PGPEP1L: variants seen among roughly 807,000 people sequenced by gnomAD.
PGPEP1L encodes the protein pyroglutamyl-peptidase 1-like protein.
Under a neutral mutation model 6.0 loss-of-function variants are expected in PGPEP1L, and 7 were observed. The observed-to-expected ratio is 1.17, with a 90% CI of 0.66 to 2.19. The LOEUF (loss-of-function observed/expected upper bound fraction) is 2.19. PGPEP1L is among the 30% of genes most tolerant of loss of function. PGPEP1L has a pLI of 0.00. For synonymous variants in PGPEP1L, 103 were observed against 83.9 expected (o/e 1.23, Z -1.24); for missense variants, 209 against 192.5 (o/e 1.09, Z -0.51).
At chr15:98,970,760 G>C (rs1203139010) in intron 3 of PGPEP1L, among the ~76,000 whole-genome samples, 1 of 152,192 alleles carries the variant, frequency 6.6e-6, no homozygotes, top group African/African-American at 2.4e-5. Context: ...CCCTTAGGTG[G>C]AAACTATTTT....
chr15:98,974,231 T>C (rs1013038428), intron 2 of PGPEP1L, among the ~76,000 whole-genome samples: 4 of 151,880 alleles, frequency 2.6e-5, no homozygotes, highest in Non-Finnish European at 4.4e-5. Context: ...ATACAAAAAT[T>C]AGCTAGGCCT....
At chr15:98,971,187 C>T in intron 2 of PGPEP1L, 29 bp from the exon 3 acceptor site, 1 of 1,162,948 alleles carries the variant, frequency 8.6e-7, no homozygotes, top group South Asian at 1.5e-5. Flanking sequence ...GGACTTGCCT[C>T]AGTTGATGGG....
intron 2 of PGPEP1L, among the ~76,000 whole-genome samples, chr15:98,983,748 G>A (rs370814175): frequency 2.6e-5 from 4 of 152,144 alleles, no homozygotes; most frequent in African/African-American, 4.8e-5. Flanking sequence ...GCATTAAGTC[G>A]CTTTTCTGGG....
At chr15:98,985,076 G>A (rs984502687) in intron 2 of PGPEP1L, among the ~76,000 whole-genome samples, 1 of 152,176 alleles carries the variant, frequency 6.6e-6, no homozygotes, top group Admixed American at 6.5e-5. Context: ...CTATAGTGCA[G>A]TCTATGTCTA....
At chr15:98,992,190 T>A (rs2017828995) in intron 2 of PGPEP1L, among the ~76,000 whole-genome samples, 1 of 152,120 alleles carries the variant, frequency 6.6e-6, no homozygotes, top group Admixed American at 6.5e-5. Context: ...GATTGTATAT[T>A]TAGAAAACCC....
chr15:98,981,489 CAAAAAAA>C (rs769918543), intron 2 of PGPEP1L, among the ~76,000 whole-genome samples: 9 of 82,134 alleles, frequency 1.1e-4, no homozygotes, highest in Admixed American at 3.9e-4. Flanking sequence ...GACTCCGTCT[CAAAAAAA>C]AAAAAAAAAA....
chr15:98,982,700 C>CTTTTTT lies in PGPEP1L; in HGVS notation c.-141-11548_-141-11543dup, dbSNP rs369749842. ...TCACTCTGGTTATTTTTATCTGAGGCTTTTTTTTTTTTTTTTTTTTTTTTT... is the reference window on the plus strand; with the variant it reads ...TCACTCTGGTTATTTTTATCTGAGGCTTTTTTTTTTTTTTTTTTTTTTTTTTTTTTT... On this transcript the variant is annotated intron_variant, in intron 2 of 4. Coordinates refer to ENST00000535714, the MANE Select transcript of PGPEP1L (RefSeq NM_001167902.2). Among the ~76,000 whole-genome samples the CTTTTTT allele has an allele frequency of 3.0e-4, 16 of 52,506 alleles. 2 individuals carry two copies. The highest frequency in any genetic ancestry group is 1.2e-3 in the Admixed American group (4 of 3,310). The allele number at this position is 52,506 out of a possible 152,430, so 34.4% of individuals were successfully genotyped here.
chr15:99,006,963 G>C (rs2018078366), intron 1 of PGPEP1L, among the ~76,000 whole-genome samples: 2 of 152,200 alleles, frequency 1.3e-5, no homozygotes, highest in African/African-American at 4.8e-5. Context: ...GGCCTCTAGA[G>C]AGCTCAGTGT....
rs117266033 is a variant in PGPEP1L at position 98,972,456 on chromosome 15, A to C, written c.-141-1298T>G. ...CTTAACCACAAATAAAGATAGTAAG[A>C]GAGGAAAAAAGGAAGAAGGGATCTA... On this transcript the variant is annotated intron_variant, in intron 2 of 4. Coordinates refer to ENST00000535714, the MANE Select transcript of PGPEP1L (RefSeq NM_001167902.2). Among the ~76,000 whole-genome samples, 6 of 152,270 alleles carry C rather than the reference A, an allele frequency of 3.9e-5. No individual in the cohort carries two copies. The South Asian group carries it at 1.2e-3, about 32-fold the overall frequency.
In PGPEP1L at chr15:99,006,913, T is replaced by G. The variant is rs2018076991; in HGVS notation, c.-370+446A>C. Among the ~76,000 whole-genome samples, 3 of 152,130 alleles carry G rather than the reference T, an allele frequency of 2.0e-5. No individual in the cohort carries two copies. The South Asian group carries it at 6.2e-4, about 31-fold the overall frequency. ...CCATCTAGGTCTGGGGAGGAGAAGC[T>G]CCCTTCAGGGAAGCAGGCAGAGCCT... On this transcript the variant is annotated intron_variant, in intron 1 of 4. Coordinates refer to ENST00000535714, the MANE Select transcript of PGPEP1L (RefSeq NM_001167902.2).
intron 2 of PGPEP1L, among the ~76,000 whole-genome samples, chr15:99,004,954 T>A (rs1466876957): frequency 1.3e-5 from 2 of 151,744 alleles, no homozygotes; most frequent in Non-Finnish European, 2.9e-5. Flanking sequence ...ACTCTGGAAG[T>A]GGGGACTGTG....
chr15:98,981,860 C>G (rs1273233507), intron 2 of PGPEP1L, among the ~76,000 whole-genome samples: 1 of 152,136 alleles, frequency 6.6e-6, no homozygotes, highest in Non-Finnish European at 1.5e-5. Flanking sequence ...AGGGAACAAG[C>G]TGGAGAGGCT....
chr15:99,005,086 G>T (rs1208247748), intron 2 of PGPEP1L, among the ~76,000 whole-genome samples: 1 of 152,098 alleles, frequency 6.6e-6, no homozygotes, highest in African/African-American at 2.4e-5. Context: ...TACCTCACGT[G>T]CCTCGGGCCC....
chr15:98,994,908 C>A (rs184921030), intron 2 of PGPEP1L, among the ~76,000 whole-genome samples: 1 of 152,122 alleles, frequency 6.6e-6, no homozygotes, highest in Non-Finnish European at 1.5e-5. Flanking sequence ...TTTACTGTTG[C>A]CTTTGAGACA....
chr15:98,994,286 TTTGA>T (rs1797326838), intron 2 of PGPEP1L, among the ~76,000 whole-genome samples: 1 of 152,012 alleles, frequency 6.6e-6, no homozygotes, highest in Admixed American at 6.6e-5. Flanking sequence ...AACCTTAAAC[TTTGA>T]TTATCCTTCT....
At chr15:98,988,216 A>G (rs1437887627) in intron 2 of PGPEP1L, among the ~76,000 whole-genome samples, 1 of 152,134 alleles carries the variant, frequency 6.6e-6, no homozygotes, top group African/African-American at 2.4e-5. Flanking sequence ...ACTCCCACAG[A>G]GCCCAACAAG....
intron 2 of PGPEP1L, among the ~76,000 whole-genome samples, chr15:99,003,706 G>T (rs1278721173): frequency 6.8e-6 from 1 of 148,134 alleles, no homozygotes; most frequent in Non-Finnish European, 1.5e-5. Context: ...AATCCAGCGG[G>T]CATTCCCAAA....
chr15:98,989,591 G>C (rs2017792454), intron 2 of PGPEP1L, among the ~76,000 whole-genome samples: 2 of 152,186 alleles, frequency 1.3e-5, no homozygotes, highest in South Asian at 4.1e-4. Context: ...CCCCAACCTA[G>C]CAAGGCATGC....
At chr15:98,968,763 G>C (rs2017444152) in intron 4 of PGPEP1L, 66 bp from the exon 5 acceptor site, 3 of 1,451,276 alleles carry the variant, frequency 2.1e-6, no homozygotes, top group Middle Eastern at 1.8e-4. Context: ...AACATACGCA[G>C]AAGTGGCAAT....
Sources: gnomAD v4.1 joint callset for allele counts (sites outside exome capture counted in the v4.1 genomes callset) on GRCh38, gnomAD v4.1.1 for gene constraint, MANE v1.5 for transcripts, NCBI Gene and HGNC (gene_info 2026-07-23, HGNC 2026-07-21) for gene names.